The following ZSCAN23 variants were observed in gnomAD, a reference collection of about 807,000 sequenced individuals.
The protein encoded by ZSCAN23 is zinc finger and SCAN domain-containing protein 23.
ZSCAN23 carries 19 observed loss-of-function variants against 19.3 expected under a neutral mutation model. The ratio of observed to expected loss-of-function variants is 0.99; its 90% CI spans 0.69 to 1.45. ZSCAN23 has a LOEUF of 1.45. ZSCAN23 is among the 40% of genes most tolerant of loss of function. The pLI, the probability that ZSCAN23 is intolerant of heterozygous loss-of-function variation, is 0.00. For synonymous variants in ZSCAN23, 140 were observed against 166.2 expected, an observed-to-expected ratio of 0.84 and a Z score of 1.21; for missense variants, 372 against 462.5, an observed-to-expected ratio of 0.80 and a Z score of 1.79.
the ZSCAN23 span, among the ~76,000 whole-genome samples, chr6:28,426,422 G>A: frequency 3.3e-5 from 5 of 152,160 alleles, no homozygotes; most frequent in Non-Finnish European, 7.4e-5. Flanking sequence ...AGAGAGAAAT[G>A]GGGGAATGGT....
intron 1 of ZSCAN23, among the ~76,000 whole-genome samples, chr6:28,437,380 G>C (rs535989943): frequency 6.6e-6 from 1 of 152,104 alleles, no homozygotes; most frequent in African/African-American, 2.4e-5. Flanking sequence ...TCAGGAGTTC[G>C]AGAATAGCCT....
rs1453441260 is a variant in ZSCAN23 at position 28,434,882 on chromosome 6, A to G, written c.753T>C (p.Cys251=). ...GGGTGAAGCTTTTTCCACATTCACT[A>G]CAGATATAGGGTCTCTCCACTGAAG... ...VSSSVERPYI[C]SECGKSFTQN... Residue 251 remains cysteine (C), a synonymous_variant, in exon 4 of 4, where the codon TGT becomes TGC. Coordinates refer to ENST00000289788, the MANE Select transcript of ZSCAN23 (RefSeq NM_001012455.2). 6.4e-7 allele frequency: 1 copy of G among 1,557,472 alleles called. No homozygotes were observed. Among genetic ancestry groups the G allele is most frequent in the East Asian group, 2.4e-5 (1 of 41,372 alleles).
In ZSCAN23 at chr6:28,434,808, G is replaced by T; in HGVS notation, c.827C>A (p.Pro276His). The part of the protein sequence containing the change: ...EHQRTHTGEK[P>H]YECDECGRAF... Reference sequence around the variant, plus strand: ...CCGCCCACACTCATCACATTCATAAGGCTTCTCACCTGTGTGTGTTCTCTG... The same window carrying T: ...CCGCCCACACTCATCACATTCATAATGCTTCTCACCTGTGTGTGTTCTCTG... The change falls in exon 4 of 4, where the codon CCT (proline) becomes CAT (histidine). Residue 276 changes from proline to histidine, a missense_variant. Physicochemically the swap from Pro to His is moderately conservative, Grantham distance 77. Coordinates refer to ENST00000289788, the MANE Select transcript of ZSCAN23 (RefSeq NM_001012455.2). 1 of 1,598,622 alleles carries T rather than the reference G, an allele frequency of 6.3e-7. No homozygotes were observed. The highest frequency in any genetic ancestry group is 2.3e-5 in the East Asian group (1 of 44,216).
At chr6:28,421,787 A>G in the ZSCAN23 span, among the ~76,000 whole-genome samples, 2 of 152,162 alleles carry the variant, frequency 1.3e-5, no homozygotes, top group Admixed American at 6.5e-5. Context: ...AGAAAACAGG[A>G]GAGGGTACCC....
intron 2 of ZSCAN23, 125 bp downstream of exon 2, chr6:28,435,734 C>A: frequency 4.2e-6 from 6 of 1,426,100 alleles, no homozygotes; most frequent in Non-Finnish European, 5.6e-6. Context: ...GGCAGAGAGA[C>A]TAAAAGCCTA....
Position 28,443,486 on chromosome 6 carries a change from A to G in ZSCAN23, c.-165T>C, listed in dbSNP as rs1171497530. ...ACCGCAGCCCAAAGAATGATAAACT[A>G]CAAAGGCCGGAAATGCGTCACCGCG... On this transcript the variant is annotated 5_prime_UTR_variant, in exon 1 of 4. Transcript: ENST00000289788. 3 of 152,220 alleles carry G rather than the reference A, an allele frequency of 2.0e-5. No individual in the cohort carries two copies. 9.4% of individuals were successfully genotyped at this position (152,220 alleles called of 1,614,324 possible).
chr6:28,436,463 A>T, intron 1 of ZSCAN23, 120 bp from the exon 2 acceptor site: 1 of 493,688 alleles, frequency 2.0e-6, no homozygotes. Context: ...CCAAAACCTG[A>T]TTAATGATAG....
downstream of ZSCAN23, chr6:28,432,025 G>A (rs1448548629): frequency 1.3e-5 from 2 of 152,032 alleles, no homozygotes. Context: ...TGCCTACAGT[G>A]GGTCTCAGGG....
intron 1 of ZSCAN23, 25 bp from the exon 2 acceptor site, chr6:28,436,368 A>C: frequency 1.6e-6 from 2 of 1,258,792 alleles, no homozygotes; most frequent in Non-Finnish European, 2.1e-6. Context: ...ACGAAGAAAA[A>C]AATATAAAAA....
At chr6:28,424,220 C>G in the ZSCAN23 span, among the ~76,000 whole-genome samples, 2 of 152,180 alleles carry the variant, frequency 1.3e-5, no homozygotes, top group Non-Finnish European at 2.9e-5. Context: ...TACTACATGA[C>G]AGTCTATTAA....
chr6:28,443,293 C>A (rs1762040178), intron 1 of ZSCAN23, 106 bp downstream of exon 1: 1 of 152,784 alleles, frequency 6.5e-6, no homozygotes, highest in Admixed American at 6.5e-5. Context: ...CGGCCCATCT[C>A]TGGCCAAGAA....
chr6:28,435,919 T>C lies in ZSCAN23; in HGVS notation c.348A>G (p.Gly116=), dbSNP rs892064846. The C allele has an allele frequency of 6.2e-7, 1 of 1,614,032 alleles. No homozygotes were observed. Among genetic ancestry groups the C allele is most frequent in the Non-Finnish European group, 8.5e-7 (1 of 1,179,920 alleles). The change falls in exon 2 of 4, where the codon GGA becomes GGG. Residue 116 remains glycine (G), a synonymous_variant. Transcript: ENST00000289788. ...CCTCCAGCACAGTCACTGCCTCCTC[T>C]CCACTCACAGGACGGTGCTGTCTGA... The part of the protein sequence containing the change: ...AWVRQHRPVS[G]EEAVTVLEDL...
chr6:28,425,545 T>A, the ZSCAN23 span, among the ~76,000 whole-genome samples: 1 of 152,166 alleles, frequency 6.6e-6, no homozygotes, highest in African/African-American at 2.4e-5. Context: ...CCCAGGCTAG[T>A]CTCAAACTCC....
intron 1 of ZSCAN23, among the ~76,000 whole-genome samples, chr6:28,442,883 G>T (rs1280659484): frequency 6.6e-6 from 1 of 152,188 alleles, no homozygotes; most frequent in Non-Finnish European, 1.5e-5. Flanking sequence ...ATGAGAAGCA[G>T]ATAATATTTG....
At chr6:28,438,583 A>C (rs1391434650) in intron 1 of ZSCAN23, among the ~76,000 whole-genome samples, 1 of 152,206 alleles carries the variant, frequency 6.6e-6, no homozygotes. Context: ...ACTTACAATC[A>C]TGGTGGAAGG....
chr6:28,436,015 C>T lies in ZSCAN23; in HGVS notation c.252G>A (p.Lys84=). 6.2e-7 allele frequency: 1 copy of T among 1,614,186 alleles called. No homozygotes were observed. The highest frequency in any genetic ancestry group is 8.5e-7 in the Non-Finnish European group (1 of 1,180,028). Reference sequence around the variant, plus strand: ...GCACCAGCAGCTCTAGGATCTGCTCCTTGGTGTGCATCTCTGGTCTCAGCC... The same window carrying T: ...GCACCAGCAGCTCTAGGATCTGCTCTTTGGTGTGCATCTCTGGTCTCAGCC... ...HQWLRPEMHT[K]EQILELLVLE... The change falls in exon 2 of 4, where the codon AAG becomes AAA. Residue 84 remains lysine (K), a synonymous_variant. Transcript: ENST00000289788.
At chr6:28,439,490 T>A (rs911977488) in intron 1 of ZSCAN23, among the ~76,000 whole-genome samples, 4 of 152,220 alleles carry the variant, frequency 2.6e-5, no homozygotes, top group Non-Finnish European at 5.9e-5. Flanking sequence ...CAGATATTTA[T>A]TCAGAGCCTA....
Position 28,436,188 on chromosome 6 carries a change from C to T in ZSCAN23, c.79G>A (p.Glu27Lys), listed in dbSNP as rs1000367057. Residue 27 changes from glutamate (E) to lysine (K), a missense_variant, in exon 2 of 4, where the codon GAA (glutamate) becomes AAA (lysine). Glu to Lys is a moderately conservative substitution (Grantham distance 56). Coordinates refer to ENST00000289788, the MANE Select transcript of ZSCAN23 (RefSeq NM_001012455.2). The part of the protein sequence containing the change: ...LAVKVKEEEE[E>K]HSCGPESGLS... ...CCTGATTCTGGCCCACAGGAATGTTCCTCCTCTTCCTCCTTTACCTTCACT... is the reference window on the plus strand; with the variant it reads ...CCTGATTCTGGCCCACAGGAATGTTTCTCCTCTTCCTCCTTTACCTTCACT... 6 of 1,554,870 alleles carry T rather than the reference C, an allele frequency of 3.9e-6. No homozygotes were observed. The African/African-American group carries it at 6.8e-5, about 18-fold the overall frequency.
chr6:28,440,118 A>G (rs1368187367), intron 1 of ZSCAN23, among the ~76,000 whole-genome samples: 3 of 152,216 alleles, frequency 2.0e-5, no homozygotes, highest in Non-Finnish European at 4.4e-5. Flanking sequence ...CTGGAGAAAG[A>G]CTGTTCCATG....
Sources: allele counts gnomAD v4.1 joint callset (sites outside exome capture counted in the v4.1 genomes callset), GRCh38; gene constraint gnomAD v4.1.1; transcripts MANE v1.5; gene names NCBI Gene and HGNC (gene_info 2026-07-23, HGNC 2026-07-21).